FAM53A: variants seen among roughly 807,000 people sequenced by gnomAD.
The protein encoded by FAM53A is family with sequence similarity 53 member A, also known as protein FAM53A.
FAM53A carries 28 observed loss-of-function variants against 26.6 expected under a neutral mutation model. The ratio of observed to expected loss-of-function variants is 1.05; its 90% CI spans 0.78 to 1.45. FAM53A has a LOEUF of 1.45. FAM53A is among the 40% of genes most tolerant of loss of function. FAM53A has a pLI of 0.00. For synonymous variants in FAM53A, 290 were observed against 253.1 expected (o/e 1.15, Z -1.38); for missense variants, 650 against 575.8 (o/e 1.13, Z -1.32).
Position 1,684,259 on chromosome 4 carries a change from C to G in FAM53A, c.-191G>C, listed in dbSNP as rs1197227635. ...TGAGCGCGGCCGCGGGGGTGCGGAG[C>G]GAGAAGACTGCCGGCCGCCCAGGCC... On this transcript the variant is annotated 5_prime_UTR_variant, in exon 1 of 5. Coordinates refer to ENST00000308132, the MANE Select transcript of FAM53A (RefSeq NM_001174070.3). 6.6e-6 allele frequency: 1 copy of G among 150,998 alleles called. No homozygotes were observed. The highest frequency in any genetic ancestry group is 2.4e-5 in the African/African-American group (1 of 41,202). The allele number at this position is 150,998 out of a possible 1,614,324, so 9.4% of individuals were successfully genotyped here.
chr4:1,592,235 G>A, the FAM53A span, among the ~76,000 whole-genome samples: 104 of 152,256 alleles, frequency 6.8e-4, no homozygotes, highest in African/African-American at 2.4e-3. Flanking sequence ...TAATAATCTC[G>A]TGAAGGTTTT....
the FAM53A span, among the ~76,000 whole-genome samples, chr4:1,612,279 A>C: frequency 0.21 from 32,602 of 152,200 alleles, 4,083 homozygotes; most frequent in Non-Finnish European, 0.28. Flanking sequence ...AAATCTTTTG[A>C]TGCATCTTGT....
chr4:1,644,678 A>C, intron 4 of FAM53A: 1 of 243,510 alleles, frequency 4.1e-6, no homozygotes, highest in Non-Finnish European at 8.0e-6. Flanking sequence ...CCAAAACACA[A>C]AGGTCAAGCC....
At chr4:1,662,180 T>A (rs765188946) in intron 2 of FAM53A, among the ~76,000 whole-genome samples, 7 of 151,894 alleles carry the variant, frequency 4.6e-5, no homozygotes, top group Non-Finnish European at 7.4e-5. Context: ...TATAAATTTT[T>A]AAAAAATAGC....
chr4:1,674,007 T>C lies in FAM53A; in HGVS notation c.-164-5102A>G, dbSNP rs762020526. Reference sequence around the variant, plus strand: ...CGTTAGTCAGGTCATCACCGACACGTGTGTTGGCTTCCAAGATGCCAGCAG... The same window carrying C: ...CGTTAGTCAGGTCATCACCGACACGCGTGTTGGCTTCCAAGATGCCAGCAG... On this transcript the variant is annotated intron_variant, in intron 1 of 4. Transcript: ENST00000308132. Among the ~76,000 whole-genome samples, 22 of 152,356 alleles carry C rather than the reference T, an allele frequency of 1.4e-4. 1 individual carries two copies. Among genetic ancestry groups the C allele is most frequent in the African/African-American group, 5.3e-4 (22 of 41,588 alleles).
chr4:1,615,326 CG>C (rs1323812086), downstream of FAM53A, among the ~76,000 whole-genome samples: 53 of 62,068 alleles, frequency 8.5e-4, no homozygotes, highest in African/African-American at 4.5e-3. Flanking sequence ...CCCACCTGGG[CG>C]CACACTGAAG....
At chr4:1,629,040 C>T (rs1715490375) in intron 1 of FAM53A, among the ~76,000 whole-genome samples, 1 of 151,938 alleles carries the variant, frequency 6.6e-6, no homozygotes, top group Non-Finnish European at 1.5e-5. Context: ...TGGGGTTCTC[C>T]TCTCACCCAC....
chr4:1,609,445 C>T, the FAM53A span, among the ~76,000 whole-genome samples: 911 of 152,178 alleles, frequency 6.0e-3, 14 homozygotes, highest in African/African-American at 0.021. Context: ...CTCCACATGC[C>T]ATGGGAGGGA....
chr4:1,666,794 C>CGCCAACATG, intron 2 of FAM53A, among the ~76,000 whole-genome samples: 1 of 152,310 alleles, frequency 6.6e-6, no homozygotes, highest in African/African-American at 2.4e-5. Context: ...TGACCAGCCT[C>CGCCAACATG]GCCAACATGG....
chr4:1,644,127 C>A, intron 4 of FAM53A: 1 of 1,509,394 alleles, frequency 6.6e-7, no homozygotes, highest in African/African-American at 1.4e-5. Flanking sequence ...AGGATGGCCT[C>A]CAATCCACAG....
intron 1 of FAM53A, among the ~76,000 whole-genome samples, chr4:1,621,116 T>TTTTTTTTTTG (rs1715013007): frequency 6.9e-6 from 1 of 144,986 alleles, no homozygotes; most frequent in African/African-American, 2.6e-5. Flanking sequence ...TTTTTTTTTT[T>TTTTTTTTTTG]TTTTTTGAGA....
intron 1 of FAM53A, among the ~76,000 whole-genome samples, chr4:1,669,364 C>T (rs929985267): frequency 5.3e-5 from 8 of 152,246 alleles, no homozygotes; most frequent in African/African-American, 1.9e-4. Flanking sequence ...GAAGCTGGGG[C>T]ACAGGAAGCC....
Position 1,668,747 on chromosome 4 carries a change from G to C in FAM53A, c.-6C>G. 6.2e-7 allele frequency: 1 copy of C among 1,614,126 alleles called. No individual in the cohort carries two copies. ...TCAGTGATGAGTGTGACCATGGTCG[G>C]GGCCCCGTGTCCTCCGTCCACACCA... On this transcript the variant is annotated 5_prime_UTR_variant, in exon 2 of 5. Transcript: ENST00000308132.
chr4:1,589,685 T>C, the FAM53A span, among the ~76,000 whole-genome samples: 3 of 152,204 alleles, frequency 2.0e-5, no homozygotes, highest in African/African-American at 7.2e-5. Context: ...ATGTATTCGT[T>C]TTATTTGGGC....
chr4:1,675,084 C>CA (rs1281635123), intron 1 of FAM53A, among the ~76,000 whole-genome samples: 4 of 152,202 alleles, frequency 2.6e-5, no homozygotes, highest in Non-Finnish European at 4.4e-5. Flanking sequence ...CCCTCTAAGG[C>CA]AGTGACATTG....
At chr4:1,617,513 C>T (rs370891232), downstream of FAM53A, among the ~76,000 whole-genome samples, 64 of 152,224 alleles carry the variant, frequency 4.2e-4, no homozygotes, top group African/African-American at 1.5e-3. Flanking sequence ...TCACATCAGT[C>T]GGTATTCTAA....
At chr4:1,590,989 T>TATATATATATATATATACACACAC in the FAM53A span, among the ~76,000 whole-genome samples, 10 of 126,816 alleles carry the variant, frequency 7.9e-5, no homozygotes, top group African/African-American at 3.1e-4. Context: ...TATATATATA[T>TATATATATATATATATACACACAC]ATATATATAT....
chr4:1,663,697 A>T (rs984850469), intron 2 of FAM53A, among the ~76,000 whole-genome samples: 1 of 152,124 alleles, frequency 6.6e-6, no homozygotes, highest in Non-Finnish European at 1.5e-5. Flanking sequence ...GGCTGGGCGC[A>T]GTGGCTCACA....
At chr4:1,595,440 G>C in the FAM53A span, among the ~76,000 whole-genome samples, 1 of 152,220 alleles carries the variant, frequency 6.6e-6, no homozygotes, top group African/African-American at 2.4e-5. Context: ...CCACAGGCCG[G>C]GGACAGCAGG....
Sources: allele counts gnomAD v4.1 joint callset (sites outside exome capture counted in the v4.1 genomes callset), GRCh38; gene constraint gnomAD v4.1.1; transcripts MANE v1.5; gene names NCBI Gene and HGNC (gene_info 2026-07-23, HGNC 2026-07-21).